ANKRD36: variants seen among roughly 807,000 people sequenced by gnomAD.
ANKRD36 encodes the protein ankyrin repeat domain 36.
ANKRD36 carries 179 observed loss-of-function variants against 278.1 expected under a neutral mutation model. That is an observed-to-expected ratio of 0.64 (90% CI 0.57 to 0.73). The LOEUF (loss-of-function observed/expected upper bound fraction) is 0.73, where lower values mean the gene tolerates loss of function less well. ANKRD36 is among the 30% of genes least tolerant of loss of function. ANKRD36 has a pLI of 0.00. For missense variants in ANKRD36, 1,159 were observed against 1,956.7 expected (o/e 0.59, Z 7.69); for synonymous variants, 320 against 641.1 (o/e 0.50, Z 7.57).
chr2:97,125,787 A>G (rs895210981), intron 5 of ANKRD36, among the ~76,000 whole-genome samples: 1 of 151,940 alleles, frequency 6.6e-6, no homozygotes, highest in Non-Finnish European at 1.5e-5. Context: ...ATTCTATTTC[A>G]CAGGAAGCCA....
At chr2:97,218,900 A>G (rs2066647279) in intron 64 of ANKRD36, 150 bp from the exon 65 acceptor site, 2 of 1,220,966 alleles carry the variant, frequency 1.6e-6, no homozygotes, top group East Asian at 2.8e-5. Context: ...TTTCTATCAT[A>G]TTACTGTCCC....
intron 58 of ANKRD36, chr2:97,213,123 C>A (rs1378993304): frequency 1.6e-5 from 6 of 386,488 alleles, no homozygotes; most frequent in African/African-American, 1.0e-4. Flanking sequence ...GATTTTAGAT[C>A]ACATTTGTCC....
At position 97,157,491 on chromosome 2, in the gene ANKRD36, T is replaced by C. The variant is rs1248388373; in HGVS notation, c.1261-616T>C. Among the ~76,000 whole-genome samples, 40 of 94,646 alleles carry C rather than the reference T, an allele frequency of 4.2e-4. 2 individuals are homozygous for C. The highest frequency in any genetic ancestry group is 1.5e-4 in the Non-Finnish European group (7 of 45,516). 62.1% of individuals were successfully genotyped at this position (94,646 alleles called of 152,430 possible). A position where few individuals can be genotyped will look rare whatever the true frequency, so the allele number is the denominator to read the frequency against. On this transcript the variant is annotated intron_variant, in intron 15 of 75. Transcript: ENST00000420699. ...ACCTCTGTTTCTGTTGTCAGGATAC[T>C]TAGTTACAACTTTCTATTTAGTAAC... is the stretch of plus-strand genomic sequence containing the variant.
rs758113584 is a variant in ANKRD36 at position 97,192,866 on chromosome 2, C to T, written c.2356C>T (p.Gln786Ter). The T allele has an allele frequency of 1.9e-6, 3 of 1,603,478 alleles. No homozygotes were observed. The highest frequency in any genetic ancestry group is 2.5e-6 in the Non-Finnish European group (3 of 1,177,522). ...TCCCTTTTGCTTTTCAGTGTCTTCT[C>T]AGAAACCACCAGCCTTGACGGTAAT... ...DGEKSGTVSS[Q>*]KPPALTATSD... is the part of the protein sequence containing the mutation. The change falls in exon 37 of 76, where the codon CAG becomes TAG. Residue 786 changes from glutamine to a stop codon, truncating the protein, a stop_gained. Coordinates refer to ENST00000420699, the MANE Select transcript of ANKRD36 (RefSeq NM_001354587.1). LOFTEE classifies it high-confidence loss of function.
chr2:97,174,719 T>A lies in ANKRD36; in HGVS notation c.1634-5019T>A, dbSNP rs1237272670. 1.3e-5 allele frequency among the ~76,000 whole-genome samples: 2 copies of A among 151,874 alleles called. 1 individual carries two copies. Among genetic ancestry groups the A allele is most frequent in the South Asian group, 4.2e-4 (2 of 4,780 alleles). On this transcript the variant is annotated intron_variant, in intron 22 of 75. Coordinates refer to ENST00000420699, the MANE Select transcript of ANKRD36 (RefSeq NM_001354587.1). ...GTCTTGTGCCAGTTTTCAAAGGGAATGCTTCCAGTTTTTGCCCATTCAGTA... is the reference window on the plus strand; with the variant it reads ...GTCTTGTGCCAGTTTTCAAAGGGAAAGCTTCCAGTTTTTGCCCATTCAGTA...
At chr2:97,172,309 A>C (rs201764996) in intron 22 of ANKRD36, among the ~76,000 whole-genome samples, 378 of 128,252 alleles carry the variant, frequency 2.9e-3, no homozygotes, top group South Asian at 4.3e-3. Flanking sequence ...ATCTATCCAC[A>C]TTGACCCAGT....
rs180908924 is a variant in ANKRD36 at position 97,240,335 on chromosome 2, C to T, written c.4094-931C>T. Among the ~76,000 whole-genome samples, 1,473 of 151,284 alleles carry T rather than the reference C, an allele frequency of 9.7e-3. 1 individual carries two copies. Among genetic ancestry groups the T allele is most frequent in the Non-Finnish European group, 0.017 (1,170 of 67,612 alleles). On this transcript the variant is annotated intron_variant, in intron 68 of 75. Transcript: ENST00000420699. Reference sequence around the variant, plus strand: ...CAGTCATTGTGTGAACCCCAGACATCGTTTCTGCTAATTTTCTTTAACTGT... The same window carrying T: ...CAGTCATTGTGTGAACCCCAGACATTGTTTCTGCTAATTTTCTTTAACTGT...
intron 56 of ANKRD36, among the ~76,000 whole-genome samples, chr2:97,210,911 G>T (rs1343551872): frequency 1.3e-5 from 2 of 151,792 alleles, no homozygotes; most frequent in Non-Finnish European, 2.9e-5. Flanking sequence ...AGAAACTTTT[G>T]GAAGTCTAAA....
Position 97,219,000 on chromosome 2 carries a change from G to A in ANKRD36, c.3776-50G>A, listed in dbSNP as rs2066675990. On this transcript the variant is annotated intron_variant, in intron 64 of 75. Transcript: ENST00000420699. ...CTAACACTCCACGAATGTATGGTTG[G>A]CCTTACCATATTTACATATGATTGA... is the stretch of plus-strand genomic sequence containing the variant. 4.6e-6 allele frequency: 7 copies of A among 1,534,758 alleles called. 1 individual carries two copies. The East Asian group carries it at 1.7e-4, about 38-fold the overall frequency.
At chr2:97,212,908 ACTTCC>A (rs1401302088) in intron 58 of ANKRD36, 1 of 243,428 alleles carries the variant, frequency 4.1e-6, no homozygotes, top group Non-Finnish European at 7.7e-6. Context: ...AATTTAGGAC[ACTTCC>A]ACTGAAGAGA....
At position 97,215,047 on chromosome 2, in the gene ANKRD36, CTT is replaced by C. The variant is rs1334144861; in HGVS notation, c.3572-251_3572-250del. Among the ~76,000 whole-genome samples, 4 of 148,208 alleles carry C rather than the reference CTT, an allele frequency of 2.7e-5. No homozygotes were observed. In the East Asian group the frequency reaches 6.5e-4, roughly 24 times the overall value. On this transcript the variant is annotated intron_variant, in intron 60 of 75. Coordinates refer to ENST00000420699, the MANE Select transcript of ANKRD36 (RefSeq NM_001354587.1). ...CGGCATATCCTTATTGAAATTGACA[CTT>C]TTATTTTAGTTTTAGTCATATGACA...
intron 10 of ANKRD36, among the ~76,000 whole-genome samples, chr2:97,146,109 C>G (rs558983979): frequency 4.3e-4 from 66 of 152,138 alleles, no homozygotes; most frequent in African/African-American, 1.4e-3. Context: ...GCTGAATTTA[C>G]AGATGTGCAC....
Position 97,185,531 on chromosome 2 carries a change from T to A in ANKRD36, c.2041+21T>A, listed in dbSNP as rs777340136. 1.3e-5 allele frequency: 21 copies of A among 1,606,160 alleles called. No homozygotes were observed. The South Asian group carries it at 2.2e-4, about 17-fold the overall frequency. The stretch of plus-strand genomic sequence containing the variant: ...GACAGGTAATTTTGCAAAACACATT[T>A]AATGTCATGTTCAGTCCAGATAGAA... On this transcript the variant is annotated intron_variant, in intron 30 of 75. Coordinates refer to ENST00000420699, the MANE Select transcript of ANKRD36 (RefSeq NM_001354587.1).
At chr2:97,206,209 C>CG (rs1397864933) in intron 52 of ANKRD36, 74 bp downstream of exon 52, 15 of 1,398,780 alleles carry the variant, frequency 1.1e-5, no homozygotes, top group South Asian at 5.5e-5. Flanking sequence ...AGTAAATCAG[C>CG]GGGGGGCTCA....
intron 3 of ANKRD36, among the ~76,000 whole-genome samples, chr2:97,121,992 G>T (rs1194459803): frequency 2.1e-5 from 3 of 143,288 alleles, no homozygotes; most frequent in Non-Finnish European, 4.6e-5. Flanking sequence ...AGCAGTGAAA[G>T]TTCACTCGAA....
At chr2:97,173,494 G>A (rs1045539528) in intron 22 of ANKRD36, among the ~76,000 whole-genome samples, 2 of 151,834 alleles carry the variant, frequency 1.3e-5, no homozygotes, top group Non-Finnish European at 2.9e-5. Context: ...CGTTAGTCAA[G>A]TGTCTGACAC....
At chr2:97,195,906 A>G (rs1182681652) in intron 40 of ANKRD36, among the ~76,000 whole-genome samples, 2 of 151,940 alleles carry the variant, frequency 1.3e-5, no homozygotes, top group African/African-American at 4.8e-5. Flanking sequence ...TGACATTTTT[A>G]TTGAGGCTAA....
At chr2:97,184,137 G>T (rs570870364) in intron 28 of ANKRD36, among the ~76,000 whole-genome samples, 62 of 151,732 alleles carry the variant, frequency 4.1e-4, no homozygotes, top group African/African-American at 1.4e-3. Flanking sequence ...CAAGAAAGAG[G>T]GGAAGGAAGA....
At chr2:97,188,342 G>A (rs912565113) in intron 32 of ANKRD36, among the ~76,000 whole-genome samples, 1 of 150,984 alleles carries the variant, frequency 6.6e-6, no homozygotes, top group African/African-American at 2.4e-5. Flanking sequence ...AATATCTAAT[G>A]CTTGTAGCAG....
Sources: gnomAD v4.1 joint callset for allele counts (sites outside exome capture counted in the v4.1 genomes callset) on GRCh38, gnomAD v4.1.1 for gene constraint, MANE v1.5 for transcripts, NCBI Gene and HGNC (gene_info 2026-07-23, HGNC 2026-07-21) for gene names.